TBXAS1: variants seen among roughly 807,000 people sequenced by gnomAD.
The protein encoded by TBXAS1 is thromboxane A synthase 1.
A neutral mutation model predicts 60.7 loss-of-function variants in TBXAS1; 48 were observed. The ratio of observed to expected loss-of-function variants is 0.79; its 90% CI spans 0.63 to 1.01. The LOEUF (loss-of-function observed/expected upper bound fraction) is 1.01. Ranked by LOEUF, TBXAS1 falls within the 50% of genes least tolerant of loss-of-function variation. TBXAS1 has a pLI of 0.00. For synonymous variants in TBXAS1, 287 were observed against 269.7 expected (o/e 1.06, Z -0.63); for missense variants, 685 against 686.3 (o/e 1.00, Z 0.02).
intron 4 of TBXAS1, among the ~76,000 whole-genome samples, chr7:139,929,215 C>T (rs1010396196): frequency 6.6e-6 from 1 of 152,244 alleles, no homozygotes; most frequent in Non-Finnish European, 1.5e-5. Flanking sequence ...AGGCAAGTTA[C>T]TTCTATAGAA....
rs1388996003 is a variant in TBXAS1, at chr7:139,916,582, C to T, written c.333+5261C>T. Among the ~76,000 whole-genome samples, 2 of 152,218 alleles carry T rather than the reference C, an allele frequency of 1.3e-5. No individual in the cohort carries two copies. The highest frequency in any genetic ancestry group is 3.8e-4 in the East Asian group (2 of 5,206). On this transcript the variant is annotated intron_variant, in intron 4 of 12. Coordinates refer to ENST00000448866, the MANE Select transcript of TBXAS1 (RefSeq NM_001061.7). This position sits in a 1 kb window ranked among gnomAD's most constrained non-coding sequence, Gnocchi z 4.2. ...CCCAGGTTCAGCCTCTCAGGGGCTG[C>T]TTCACTCGCTCTCCACACAGCTGTG...
At chr7:140,009,533 C>T (rs1047609942) in intron 10 of TBXAS1, among the ~76,000 whole-genome samples, 1 of 151,818 alleles carries the variant, frequency 6.6e-6, no homozygotes, top group Non-Finnish European at 1.5e-5. Flanking sequence ...CATCCAGCCT[C>T]GCTCTCCTGA....
intron 9 of TBXAS1, among the ~76,000 whole-genome samples, chr7:139,986,799 GTATATATATATA>G (rs58751653): frequency 0.099 from 7,947 of 80,258 alleles, 461 homozygotes; most frequent in Non-Finnish European, 0.11. Context: ...GTGTGTGTGT[GTATATATATATA>G]TATATACACC....
intron 5 of TBXAS1, among the ~76,000 whole-genome samples, chr7:139,938,747 A>G (rs902508911): frequency 6.6e-6 from 1 of 152,228 alleles, no homozygotes; most frequent in African/African-American, 2.4e-5. Context: ...ATGGCACTAT[A>G]GAAGTAGAAA....
chr7:139,808,979 TA>T (rs11358840), intron 4 of TBXAS1, among the ~76,000 whole-genome samples: 85,231 of 125,856 alleles, frequency 0.68, 27,433 homozygotes, highest in East Asian at 0.85. Context: ...CAGGTCTTCA[TA>T]AAAAAAAAAA....
In TBXAS1 at chr7:139,975,812, C is replaced by T. The variant is rs149628709; in HGVS notation, c.1134+13579C>T. Among the ~76,000 whole-genome samples the T allele has an allele frequency of 2.1e-3, 318 of 152,282 alleles. 3 individuals carry two copies. The highest frequency in any genetic ancestry group is 7.3e-3 in the African/African-American group (305 of 41,562). The stretch of plus-strand genomic sequence containing the variant: ...TTGTGAATTATCTTTCTTCGTGGCC[C>T]ATGTGGCACAAGATGAAGAGTGCAT... On this transcript the variant is annotated intron_variant, in intron 9 of 12. Coordinates refer to ENST00000448866, the MANE Select transcript of TBXAS1 (RefSeq NM_001061.7). This position sits in a 1 kb window ranked among gnomAD's most constrained non-coding sequence, Gnocchi z 4.4.
At chr7:139,934,714 A>G (rs1294763978) in intron 4 of TBXAS1, among the ~76,000 whole-genome samples, 1 of 151,954 alleles carries the variant, frequency 6.6e-6, no homozygotes, top group Non-Finnish European at 1.5e-5. Flanking sequence ...ATATCCTCAC[A>G]TGGTCTTCCC....
intron 5 of TBXAS1, among the ~76,000 whole-genome samples, chr7:139,941,992 C>T (rs1808330253): frequency 1.3e-5 from 2 of 152,178 alleles, no homozygotes; most frequent in South Asian, 4.1e-4. Context: ...GTATATTCCT[C>T]TAAGCTGTTC....
At chr7:139,856,971 T>C (rs1800625488) in intron 1 of TBXAS1, among the ~76,000 whole-genome samples, 1 of 152,130 alleles carries the variant, frequency 6.6e-6, no homozygotes, top group Non-Finnish European at 1.5e-5. Context: ...GGAGAAAGCA[T>C]AATCATGGCT....
chr7:140,010,975 CAAA>C (rs557900360), intron 10 of TBXAS1, among the ~76,000 whole-genome samples: 1 of 135,618 alleles, frequency 7.4e-6, no homozygotes. Flanking sequence ...AAAACAAAAC[CAAA>C]AAAAAAAAAA....
chr7:139,813,463 C>T (rs1310840491), intron 4 of TBXAS1, among the ~76,000 whole-genome samples: 7 of 152,238 alleles, frequency 4.6e-5, no homozygotes, highest in Non-Finnish European at 1.0e-4. Flanking sequence ...AGGACGACTT[C>T]CTGACAAATG....
intron 1 of TBXAS1, among the ~76,000 whole-genome samples, chr7:139,833,323 C>T (rs187252808): frequency 1.3e-4 from 20 of 151,982 alleles, no homozygotes; most frequent in East Asian, 7.7e-4. Flanking sequence ...ACACCAAAAG[C>T]GAGTAGAGCA....
Position 139,934,197 on chromosome 7 carries a change from G to GT in TBXAS1, c.334-1986dup, listed in dbSNP as rs201757595. On this transcript the variant is annotated intron_variant, in intron 4 of 12. Coordinates refer to ENST00000448866, the MANE Select transcript of TBXAS1 (RefSeq NM_001061.7). ...ATGCAAAGTCTTTTTTTTTTCTTTT[G>GT]TTTTTTTTGAGATGAAGTTTCATTC... is the stretch of plus-strand genomic sequence containing the variant. Among the ~76,000 whole-genome samples the GT allele has an allele frequency of 1.4e-3, 210 of 148,920 alleles. 4 individuals carry two copies. In the East Asian group the frequency reaches 0.024, roughly 17 times the overall value.
At chr7:139,829,089 T>C (rs991589605), upstream of TBXAS1, 1 of 466,872 alleles carries the variant, frequency 2.1e-6, no homozygotes, top group Non-Finnish European at 4.1e-6. Flanking sequence ...TCAGCAAACA[T>C]GGGGAAGTTT....
chr7:139,971,994 G>T (rs1019235561), intron 9 of TBXAS1, among the ~76,000 whole-genome samples: 6 of 152,208 alleles, frequency 3.9e-5, no homozygotes, highest in African/African-American at 1.2e-4. Flanking sequence ...AGTGCACACA[G>T]CAGCCAAGAC....
At chr7:139,907,345 T>A (rs1569511801) in intron 3 of TBXAS1, among the ~76,000 whole-genome samples, 1 of 152,204 alleles carries the variant, frequency 6.6e-6, no homozygotes, top group African/African-American at 2.4e-5. Context: ...TTTGAAAATA[T>A]TGAATCAGCC....
intron 4 of TBXAS1, among the ~76,000 whole-genome samples, chr7:139,821,639 C>A (rs1043694421): frequency 1.3e-5 from 2 of 152,230 alleles, no homozygotes; most frequent in Non-Finnish European, 2.9e-5. Context: ...ACAAGTCTCC[C>A]ACTGCAGGAG....
At chr7:139,809,320 TTAGATAGATAGA>T (rs55917453) in intron 4 of TBXAS1, among the ~76,000 whole-genome samples, 4,285 of 144,882 alleles carry the variant, frequency 0.03, 193 homozygotes, top group African/African-American at 0.099. Flanking sequence ...CAATAGGAGA[TTAGATAGATAGA>T]TAGATAGATA....
At chr7:139,973,285 G>A (rs371117487) in intron 9 of TBXAS1, among the ~76,000 whole-genome samples, 7 of 152,258 alleles carry the variant, frequency 4.6e-5, no homozygotes, top group East Asian at 3.9e-4. Flanking sequence ...GCTATGGTCC[G>A]CCTCCTCTGT....
Sources: gnomAD v4.1 joint callset for allele counts (sites outside exome capture counted in the v4.1 genomes callset) on GRCh38, gnomAD v4.1.1 for gene constraint, Gnocchi (gnomAD v3.1) non-coding constraint, MANE v1.5 for transcripts, NCBI Gene and HGNC (gene_info 2026-07-23, HGNC 2026-07-21) for gene names.